Variants in GRIA1 observed in about 807,000 individuals in gnomAD.
GRIA1 encodes the protein glutamate ionotropic receptor AMPA type subunit 1.
Under a neutral mutation model 99.2 loss-of-function variants are expected in GRIA1, and 31 were observed. The ratio of observed to expected loss-of-function variants is 0.31; its 90% CI spans 0.23 to 0.42. GRIA1 has a LOEUF of 0.42. GRIA1 is among the 10% of genes least tolerant of loss of function. GRIA1 has a pLI of 1.00. For missense variants in GRIA1, 782 were observed against 1,157.5 expected (o/e 0.68, Z 4.71); for synonymous variants, 438 against 432.4 (o/e 1.01, Z -0.16).
At chr5:153,765,605 A>G (rs1257864241) in intron 12 of GRIA1, among the ~76,000 whole-genome samples, 1 of 152,138 alleles carries the variant, frequency 6.6e-6, no homozygotes, top group Non-Finnish European at 1.5e-5. Context: ...AGACAAAAGG[A>G]ACAACTTGGA....
At chr5:153,523,016 A>ATCTCTCTCTCTCTCTC (rs61177262) in intron 2 of GRIA1, among the ~76,000 whole-genome samples, 361 of 141,642 alleles carry the variant, frequency 2.5e-3, no homozygotes, top group Middle Eastern at 0.018. Flanking sequence ...TGTTCCTGAT[A>ATCTCTCTCTCTCTCTC]TCTCTCTCTC....
intron 11 of GRIA1, among the ~76,000 whole-genome samples, chr5:153,732,387 G>C (rs911768827): frequency 1.3e-5 from 2 of 152,024 alleles, no homozygotes; most frequent in African/African-American, 4.8e-5. Context: ...ACCAACATTT[G>C]TCATCTTTGG....
intron 2 of GRIA1, among the ~76,000 whole-genome samples, chr5:153,537,155 C>T (rs548578411): frequency 1.3e-5 from 2 of 152,298 alleles, no homozygotes; most frequent in South Asian, 2.1e-4. Context: ...CTCTCAACGC[C>T]ATACAGTGTG....
Position 153,623,962 on chromosome 5 carries a change from A to T in GRIA1, c.221-22966A>T, listed in dbSNP as rs184210549. ...TCTGCAGCACATTTGTTAAACCCAT[A>T]TATGGATTGAAATCATACTAATGAC... is the stretch of plus-strand genomic sequence containing the variant. On this transcript the variant is annotated intron_variant, in intron 2 of 15. Coordinates refer to ENST00000285900, the MANE Select transcript of GRIA1 (RefSeq NM_000827.4). 9.4e-4 allele frequency among the ~76,000 whole-genome samples: 88 copies of T among 93,200 alleles called. 2 individuals carry two copies. In the East Asian group the frequency reaches 0.016, roughly 17 times the overall value. The allele number at this position is 93,200 out of a possible 152,430, so 61.1% of individuals were successfully genotyped here.
intron 2 of GRIA1, among the ~76,000 whole-genome samples, chr5:153,544,960 A>G (rs1196459471): frequency 6.6e-6 from 1 of 152,202 alleles, no homozygotes; most frequent in Non-Finnish European, 1.5e-5. Flanking sequence ...CTGCCTCTGC[A>G]ACTTGGGAAA....
chr5:153,738,720 CTTT>C (rs55874747), intron 11 of GRIA1, among the ~76,000 whole-genome samples: 22 of 102,328 alleles, frequency 2.1e-4, no homozygotes, highest in African/African-American at 7.7e-4. Context: ...TCCATACCTT[CTTT>C]TTTTTTTTTT....
chr5:153,789,567 ATAAAG>A (rs1364989603), intron 13 of GRIA1, among the ~76,000 whole-genome samples: 3 of 152,160 alleles, frequency 2.0e-5, no homozygotes, highest in East Asian at 1.9e-4. Flanking sequence ...GAGAAAGAAA[ATAAAG>A]TAATCTCAGG....
At chr5:153,566,470 AT>A (rs1561647622) in intron 2 of GRIA1, among the ~76,000 whole-genome samples, 1 of 146,990 alleles carries the variant, frequency 6.8e-6, no homozygotes, top group Non-Finnish European at 1.5e-5. Context: ...TGCCAAGCTA[AT>A]TTTTTTGCAT....
intron 14 of GRIA1, among the ~76,000 whole-genome samples, chr5:153,796,415 C>CA (rs1043098900): frequency 5.3e-5 from 8 of 151,140 alleles, no homozygotes; most frequent in Non-Finnish European, 8.9e-5. Context: ...GTACTTCTTG[C>CA]AAAAAAAAGA....
intron 2 of GRIA1, among the ~76,000 whole-genome samples, chr5:153,594,828 A>AG (rs1298155391): frequency 4.6e-5 from 7 of 151,824 alleles, no homozygotes. Flanking sequence ...GCTGAAAAAG[A>AG]GGGATTACCT....
chr5:153,657,209 G>T (rs558110359), intron 5 of GRIA1, among the ~76,000 whole-genome samples: 11 of 152,270 alleles, frequency 7.2e-5, no homozygotes, highest in Admixed American at 7.2e-4. Flanking sequence ...CCTAGGCATG[G>T]AATTACTGGG....
intron 2 of GRIA1, among the ~76,000 whole-genome samples, chr5:153,527,184 C>A (rs1757678249): frequency 6.6e-6 from 1 of 152,102 alleles, no homozygotes; most frequent in Non-Finnish European, 1.5e-5. Context: ...CGCAAAAATT[C>A]AAAATCCCTA....
chr5:153,579,324 C>T (rs941548720), intron 2 of GRIA1, among the ~76,000 whole-genome samples: 2 of 152,154 alleles, frequency 1.3e-5, no homozygotes, highest in African/African-American at 4.8e-5. Flanking sequence ...TATTCCATAG[C>T]ACCAATGTAT....
intron 13 of GRIA1, among the ~76,000 whole-genome samples, chr5:153,791,833 AT>A (rs1765321550): frequency 6.6e-6 from 1 of 152,000 alleles, no homozygotes; most frequent in East Asian, 1.9e-4. Context: ...AGTTTACCAA[AT>A]AGCTGAGACA....
intron 2 of GRIA1, among the ~76,000 whole-genome samples, chr5:153,624,856 G>A (rs1767437893): frequency 6.6e-6 from 1 of 152,192 alleles, no homozygotes; most frequent in South Asian, 2.1e-4. Context: ...AAGTGTTCTA[G>A]AGCCTAAGGT....
chr5:153,692,856 C>T (rs920376132), intron 8 of GRIA1, among the ~76,000 whole-genome samples: 3 of 152,062 alleles, frequency 2.0e-5, no homozygotes. Context: ...TCAGAGAGCA[C>T]ACTATGCTAG....
intron 10 of GRIA1, among the ~76,000 whole-genome samples, chr5:153,703,358 T>G (rs753350439): frequency 3.3e-5 from 5 of 152,246 alleles, no homozygotes; most frequent in Non-Finnish European, 7.3e-5. Context: ...AGCATGTTTA[T>G]TTTTATGTTA....
intron 13 of GRIA1, among the ~76,000 whole-genome samples, chr5:153,771,599 A>C (rs1459663928): frequency 6.6e-6 from 1 of 152,220 alleles, no homozygotes; most frequent in Non-Finnish European, 1.5e-5. Context: ...ATACTAGGAC[A>C]GTCTATAAAA....
chr5:153,726,696 T>G (rs1344863108), intron 11 of GRIA1, among the ~76,000 whole-genome samples: 1 of 152,216 alleles, frequency 6.6e-6, no homozygotes, highest in Non-Finnish European at 1.5e-5. Context: ...CAGCAAGAAG[T>G]TGAATATCTG....
Sources: allele counts gnomAD v4.1 joint callset (sites outside exome capture counted in the v4.1 genomes callset), GRCh38; gene constraint gnomAD v4.1.1; transcripts MANE v1.5; gene names NCBI Gene and HGNC (gene_info 2026-07-23, HGNC 2026-07-21).